GAREM1: variants seen among roughly 807,000 people sequenced by gnomAD.
GAREM1 encodes the protein GRB2 associated regulator of MAPK1 subtype 1, also known as GRB2-associated and regulator of MAPK protein 1.
Under a neutral mutation model 71.3 loss-of-function variants are expected in GAREM1, and 26 were observed. The ratio of observed to expected loss-of-function variants is 0.36; its 90% CI spans 0.27 to 0.51. GAREM1 has a LOEUF of 0.51. GAREM1 is among the 20% of genes least tolerant of loss of function. The pLI, the probability that GAREM1 is intolerant of heterozygous loss-of-function variation, is 0.95. For missense variants in GAREM1, 1,026 were observed against 1,103.1 expected (o/e 0.93, Z 0.99); for synonymous variants, 440 against 433.2 (o/e 1.02, Z -0.20).
chr18:32,364,012 A>ATGTTTT (rs2047897309), intron 2 of GAREM1, among the ~76,000 whole-genome samples: 1 of 51,466 alleles, frequency 1.9e-5, no homozygotes, highest in Non-Finnish European at 3.4e-5. Context: ...ATATATATAT[A>ATGTTTT]TATATATATA....
chr18:32,310,094 T>C (rs1389843382), intron 3 of GAREM1, 99 bp downstream of exon 3: 1 of 1,381,490 alleles, frequency 7.2e-7, no homozygotes, highest in Non-Finnish European at 1.0e-6. Flanking sequence ...GATAAAACCC[T>C]CCTAGGAGAC....
At chr18:32,374,938 T>C (rs1457421507) in intron 2 of GAREM1, among the ~76,000 whole-genome samples, 1 of 152,150 alleles carries the variant, frequency 6.6e-6, no homozygotes, top group Non-Finnish European at 1.5e-5. Context: ...GAAAAGGCCC[T>C]TTCAACAGGC....
rs1473992360 is a variant in GAREM1 at position 32,265,385 on chromosome 18, G to A, written c.*2486C>T. 1.3e-5 allele frequency: 2 copies of A among 152,184 alleles called. No homozygotes were observed. Among genetic ancestry groups the A allele is most frequent in the Non-Finnish European group, 2.9e-5 (2 of 68,044 alleles). 9.4% of individuals were successfully genotyped at this position (152,184 alleles called of 1,614,324 possible). On this transcript the variant is annotated 3_prime_UTR_variant, in exon 6 of 6. Transcript: ENST00000269209. ...TCTGTACCCCTTAATAGAGGCTGAC[G>A]TTTTAAAGACAGGACACACGTAATT...
intron 1 of GAREM1, chr18:32,413,271 T>G: frequency 6.8e-7 from 1 of 1,466,708 alleles, no homozygotes; most frequent in Non-Finnish European, 9.4e-7. Flanking sequence ...ATTTGACAGT[T>G]TGGGGGAGTC....
At chr18:32,431,084 C>CTGCA (rs1464539809) in intron 1 of GAREM1, among the ~76,000 whole-genome samples, 1 of 152,172 alleles carries the variant, frequency 6.6e-6, no homozygotes, top group Admixed American at 6.5e-5. Flanking sequence ...AAGAATTGAA[C>CTGCA]TGCAGTACAG....
At chr18:32,440,642 G>C (rs1282992051) in intron 1 of GAREM1, among the ~76,000 whole-genome samples, 1 of 152,238 alleles carries the variant, frequency 6.6e-6, no homozygotes, top group Non-Finnish European at 1.5e-5. Context: ...GATGGCGGTT[G>C]TGATGTATCC....
intron 2 of GAREM1, among the ~76,000 whole-genome samples, chr18:32,380,780 G>A (rs1203624190): frequency 6.6e-6 from 1 of 152,026 alleles, no homozygotes; most frequent in Non-Finnish European, 1.5e-5. Flanking sequence ...TCTAGATGGC[G>A]CTGGGGTAGG....
chr18:32,344,541 C>T (rs910919009), intron 2 of GAREM1, among the ~76,000 whole-genome samples: 3 of 152,104 alleles, frequency 2.0e-5, no homozygotes, highest in African/African-American at 7.2e-5. Flanking sequence ...AAAGTAACTG[C>T]TCACTATGCT....
At chr18:32,413,768 G>A (rs537173763) in intron 1 of GAREM1, among the ~76,000 whole-genome samples, 42 of 151,952 alleles carry the variant, frequency 2.8e-4, no homozygotes, top group Non-Finnish European at 5.1e-4. Flanking sequence ...TAAAGATAAT[G>A]AGGAAAAAAA....
At chr18:32,393,126 T>A in intron 1 of GAREM1, 91 bp from the exon 2 acceptor site, 1 of 1,276,970 alleles carries the variant, frequency 7.8e-7, no homozygotes, top group Non-Finnish European at 1.1e-6. Flanking sequence ...AAAACTTGAC[T>A]AATGCAGAAG....
At chr18:32,358,195 G>T (rs1473291640) in intron 2 of GAREM1, among the ~76,000 whole-genome samples, 2 of 143,710 alleles carry the variant, frequency 1.4e-5, no homozygotes, top group Non-Finnish European at 3.0e-5. Context: ...CCCTTTCGGA[G>T]AGCACACCCG....
At chr18:32,301,975 G>C (rs1409246152) in intron 3 of GAREM1, among the ~76,000 whole-genome samples, 1 of 152,162 alleles carries the variant, frequency 6.6e-6, no homozygotes, top group Non-Finnish European at 1.5e-5. Flanking sequence ...AAATACAAAT[G>C]ACAGAAGGAT....
intron 2 of GAREM1, among the ~76,000 whole-genome samples, chr18:32,367,718 T>C (rs1385442511): frequency 6.6e-6 from 1 of 152,088 alleles, no homozygotes; most frequent in East Asian, 1.9e-4. Context: ...CAGTCCCAAT[T>C]CTAAGCAAGC....
rs140291239 is a variant in GAREM1 at position 32,293,463 on chromosome 18, AAACAGG to A, written c.394-5266_394-5261del. Among the ~76,000 whole-genome samples the A allele has an allele frequency of 5.0e-3, 767 of 152,338 alleles. 8 individuals carry two copies. Among genetic ancestry groups the A allele is most frequent in the African/African-American group, 0.018 (742 of 41,570 alleles). On this transcript the variant is annotated intron_variant, in intron 3 of 5. Coordinates refer to ENST00000269209, the MANE Select transcript of GAREM1 (RefSeq NM_001242409.2). ...ACGATGAATTATAATCTATTGAATA[AAACAGG>A]AACACCTAAGTCCATGCTGATAGCA...
intron 2 of GAREM1, among the ~76,000 whole-genome samples, chr18:32,370,249 G>C (rs1389586997): frequency 6.6e-6 from 1 of 151,942 alleles, no homozygotes. Flanking sequence ...CCAACATAGT[G>C]AAACCCCGTC....
At chr18:32,383,124 T>C (rs2048113184) in intron 2 of GAREM1, among the ~76,000 whole-genome samples, 1 of 152,228 alleles carries the variant, frequency 6.6e-6, no homozygotes, top group Non-Finnish European at 1.5e-5. Context: ...GACTCACTAT[T>C]AGGGACAAAC....
In GAREM1 at chr18:32,390,242, A is replaced by T. The variant is rs544795179; in HGVS notation, c.262+2653T>A. The stretch of plus-strand genomic sequence containing the variant: ...TTTACCTGTTTATAAAATTTTTTTT[A>T]AAAAAACTACCAAATCACTAAATTT... On this transcript the variant is annotated intron_variant, in intron 2 of 5. Coordinates refer to ENST00000269209, the MANE Select transcript of GAREM1 (RefSeq NM_001242409.2). Among the ~76,000 whole-genome samples the T allele has an allele frequency of 4.5e-3, 662 of 148,758 alleles. 7 individuals are homozygous for T. The highest frequency in any genetic ancestry group is 0.016 in the African/African-American group (632 of 40,042).
At chr18:32,296,461 AG>A (rs1285394951) in intron 3 of GAREM1, among the ~76,000 whole-genome samples, 1 of 152,102 alleles carries the variant, frequency 6.6e-6, no homozygotes, top group Non-Finnish European at 1.5e-5. Context: ...TTTTCCCATG[AG>A]TGTCATTTTG....
At chr18:32,312,111 T>G (rs1285983953) in intron 2 of GAREM1, among the ~76,000 whole-genome samples, 3 of 152,222 alleles carry the variant, frequency 2.0e-5, no homozygotes, top group Non-Finnish European at 4.4e-5. Flanking sequence ...AGATGTCTAT[T>G]GGACACGCAA....
Sources: allele counts gnomAD v4.1 joint callset (sites outside exome capture counted in the v4.1 genomes callset), GRCh38; gene constraint gnomAD v4.1.1; transcripts MANE v1.5; gene names NCBI Gene and HGNC (gene_info 2026-07-23, HGNC 2026-07-21).